LGSN: variants seen among roughly 807,000 people sequenced by gnomAD.
LGSN encodes the protein lengsin, lens protein with glutamine synthetase domain, also known as lengsin.
In LGSN, 21 loss-of-function variants were observed where a neutral mutation model predicts 19.5. The ratio of observed to expected loss-of-function variants is 1.07; its 90% confidence interval spans 0.76 to 1.55. The LOEUF is 1.55. Ranked by LOEUF, LGSN falls within the 40% of genes most tolerant of loss-of-function variation. LGSN has a pLI of 0.00. For synonymous variants in LGSN, 257 were observed against 215.6 expected, an observed-to-expected ratio of 1.19 and a Z score of -1.68; for missense variants, 673 against 608.5, an observed-to-expected ratio of 1.11 and a Z score of -1.12.
At chr6:63,422,063 T>G in the LGSN span, among the ~76,000 whole-genome samples, 1 of 151,964 alleles carries the variant, frequency 6.6e-6, no homozygotes, top group African/African-American at 2.4e-5. Flanking sequence ...CAAAAAAATT[T>G]TTTGTTGTTT....
chr6:63,551,539 CA>C, the LGSN span, among the ~76,000 whole-genome samples: 3 of 152,004 alleles, frequency 2.0e-5, no homozygotes, highest in Admixed American at 6.6e-5. Flanking sequence ...ATATTAAGTT[CA>C]TTTTTTTTAA....
chr6:63,530,188 A>G, the LGSN span, among the ~76,000 whole-genome samples: 3 of 152,224 alleles, frequency 2.0e-5, no homozygotes, highest in Non-Finnish European at 4.4e-5. Context: ...TGTGATCATT[A>G]AAACAGCCAT....
At chr6:63,403,275 G>A in the LGSN span, among the ~76,000 whole-genome samples, 1 of 152,090 alleles carries the variant, frequency 6.6e-6, no homozygotes, top group Non-Finnish European at 1.5e-5. Context: ...GTACTTGGGA[G>A]GGTTGGGCTA....
At chr6:63,390,313 A>G in the LGSN span, among the ~76,000 whole-genome samples, 2 of 151,066 alleles carry the variant, frequency 1.3e-5, no homozygotes, top group African/African-American at 4.9e-5. Context: ...TATCGTTAGT[A>G]GAGATGGGTT....
the LGSN span, among the ~76,000 whole-genome samples, chr6:63,492,352 T>C: frequency 9.2e-5 from 13 of 140,722 alleles, no homozygotes; most frequent in East Asian, 2.5e-3. Context: ...TTTATTAGTC[T>C]AGGACAAATT....
At chr6:63,412,464 A>AAGAAAGAAAGAAAGAAGGAAAG in the LGSN span, among the ~76,000 whole-genome samples, 5 of 128,716 alleles carry the variant, frequency 3.9e-5, no homozygotes, top group East Asian at 4.2e-4. Flanking sequence ...GAAAGAAAGA[A>AAGAAAGAAAGAAAGAAGGAAAG]AAAGAGAGAG....
At chr6:63,432,142 AAAG>A in the LGSN span, among the ~76,000 whole-genome samples, 34 of 124,278 alleles carry the variant, frequency 2.7e-4, 1 homozygote, top group African/African-American at 7.6e-4. Flanking sequence ...AGAAAGAAAG[AAAG>A]AAAGAAAGAA....
At chr6:63,440,876 C>A in the LGSN span, 1 of 166,574 alleles carries the variant, frequency 6.0e-6, no homozygotes, top group South Asian at 1.6e-4. Flanking sequence ...AGCTGGCTGC[C>A]CTTCCAAAGA....
chr6:63,313,099 G>A (rs1385743057), intron 1 of LGSN, among the ~76,000 whole-genome samples: 1 of 151,922 alleles, frequency 6.6e-6, no homozygotes, highest in Non-Finnish European at 1.5e-5. Context: ...AATAAGAGAT[G>A]TAAAAGAGAA....
At position 63,278,069 on chromosome 6, in the gene LGSN, C is replaced by T. The variant is rs1289376019; in HGVS notation, c.*1952G>A. 1 of 149,396 alleles carries T rather than the reference C, an allele frequency of 6.7e-6. No individual in the cohort carries two copies. The highest frequency in any genetic ancestry group is 1.5e-5 in the Non-Finnish European group (1 of 67,654). The allele number at this position is 149,396 out of a possible 1,614,324, so 9.3% of individuals were successfully genotyped here. ...TCAGCCTGGGTGACAAAGCGAGACT[C>T]CATCTCGGAAAAAAAAAAAAAATAC... is the stretch of plus-strand genomic sequence containing the variant. On this transcript the variant is annotated 3_prime_UTR_variant, in exon 4 of 4. Transcript: ENST00000370657.
At chr6:63,526,379 T>A in the LGSN span, among the ~76,000 whole-genome samples, 3 of 152,218 alleles carry the variant, frequency 2.0e-5, no homozygotes, top group South Asian at 6.2e-4. Flanking sequence ...CTAGAATAGC[T>A]GATAACAAAG....
the LGSN span, among the ~76,000 whole-genome samples, chr6:63,371,803 T>G: frequency 6.6e-6 from 1 of 152,226 alleles, no homozygotes; most frequent in Non-Finnish European, 1.5e-5. Flanking sequence ...ATTTCTCAGG[T>G]GTGGGCTAAT....
chr6:63,572,272 C>A, the LGSN span: 1 of 186,886 alleles, frequency 5.4e-6, no homozygotes, highest in Non-Finnish European at 1.1e-5. Flanking sequence ...AGCCCCTTCC[C>A]TCCCCCGCCC....
At chr6:63,296,170 T>C (rs1205275608) in intron 1 of LGSN, among the ~76,000 whole-genome samples, 1 of 152,198 alleles carries the variant, frequency 6.6e-6, no homozygotes, top group Non-Finnish European at 1.5e-5. Context: ...ATTGTTATTA[T>C]TGTTATATTA....
At chr6:63,376,881 C>G in the LGSN span, among the ~76,000 whole-genome samples, 1 of 152,120 alleles carries the variant, frequency 6.6e-6, no homozygotes, top group Non-Finnish European at 1.5e-5. Context: ...TATTCTTGTC[C>G]AAACACAATT....
the LGSN span, among the ~76,000 whole-genome samples, chr6:63,372,742 G>C: frequency 6.6e-6 from 1 of 151,782 alleles, no homozygotes; most frequent in Non-Finnish European, 1.5e-5. Flanking sequence ...TGGAATCTAA[G>C]ACACCATAAT....
the LGSN span, among the ~76,000 whole-genome samples, chr6:63,353,579 A>G: frequency 1.4e-5 from 2 of 142,146 alleles, no homozygotes; most frequent in East Asian, 4.2e-4. Flanking sequence ...AGAAAGAAGC[A>G]GTTTGTAGCA....
intron 1 of LGSN, among the ~76,000 whole-genome samples, chr6:63,295,854 A>C (rs1017709326): frequency 6.6e-6 from 1 of 152,134 alleles, no homozygotes; most frequent in African/African-American, 2.4e-5. Flanking sequence ...AAATATGAAA[A>C]ATTTTGAAAA....
the LGSN span, among the ~76,000 whole-genome samples, chr6:63,341,569 C>T: frequency 6.6e-6 from 1 of 152,098 alleles, no homozygotes; most frequent in Non-Finnish European, 1.5e-5. Flanking sequence ...TGGGGGAAGA[C>T]TTCCTGGTGT....
Sources: gnomAD v4.1 joint callset for allele counts (sites outside exome capture counted in the v4.1 genomes callset) on GRCh38, gnomAD v4.1.1 for gene constraint, MANE v1.5 for transcripts, NCBI Gene and HGNC (gene_info 2026-07-23, HGNC 2026-07-21) for gene names.